The following LYN variants were observed in gnomAD, a reference collection of about 807,000 sequenced individuals.
LYN encodes the protein tyrosine-protein kinase Lyn.
In LYN, 12 loss-of-function variants were observed where a neutral mutation model predicts 65.0. The ratio of observed to expected loss-of-function variants is 0.18; its 90% confidence interval spans 0.12 to 0.30. The LOEUF is 0.30. Ranked by LOEUF, LYN falls within the 10% of genes least tolerant of loss-of-function variation. The pLI is 1.00. For synonymous variants in LYN, 222 were observed against 221.2 expected (o/e 1.00, Z -0.03); for missense variants, 380 against 623.2 (o/e 0.61, Z 4.16).
chr8:55,902,569 C>A (rs1207177436), intron 1 of LYN, among the ~76,000 whole-genome samples: 3 of 149,734 alleles, frequency 2.0e-5, no homozygotes, highest in African/African-American at 5.0e-5. Context: ...CAGTCATGTA[C>A]CACATTACAA....
rs1355024400 is a variant in LYN, at chr8:56,011,228, G to T, written c.*1118G>T. On this transcript the variant is annotated 3_prime_UTR_variant, in exon 13 of 13. Coordinates refer to ENST00000519728, the MANE Select transcript of LYN (RefSeq NM_002350.4). ...TACAAGGCTCTAATAAGCCACGGTGGCAGGAGGTTCAAGCGGTTCTGTTCA... is the reference window on the plus strand; with the variant it reads ...TACAAGGCTCTAATAAGCCACGGTGTCAGGAGGTTCAAGCGGTTCTGTTCA... 2.6e-5 allele frequency: 6 copies of T among 227,328 alleles called. No individual in the cohort carries two copies. In the Admixed American group the frequency reaches 2.8e-4, roughly 11 times the overall value. 14.1% of individuals were successfully genotyped at this position (227,328 alleles called of 1,614,324 possible). A position where few individuals can be genotyped will look rare whatever the true frequency, so the allele number is the denominator to read the frequency against.
chr8:55,987,755 A>C (rs118113461), intron 10 of LYN, among the ~76,000 whole-genome samples: 410 of 152,284 alleles, frequency 2.7e-3, no homozygotes, highest in Non-Finnish European at 4.7e-3. Context: ...AATGTGGATG[A>C]ATGCTTAAGA....
chr8:55,988,291 GGTGT>G lies in LYN; in HGVS notation c.1051-10020_1051-10017del, dbSNP rs57413136. Among the ~76,000 whole-genome samples the G allele has an allele frequency of 3.2e-3, 459 of 142,152 alleles. 2 individuals carry two copies. The highest frequency in any genetic ancestry group is 0.015 in the Middle Eastern group (4 of 274). 93.3% of individuals were successfully genotyped at this position (142,152 alleles called of 152,430 possible). A position where few individuals can be genotyped will look rare whatever the true frequency, so the allele number is the denominator to read the frequency against. ...TTCTTAAACTTTTTGCAAACTCCCT[GGTGT>G]GTGTGTGTGTGTGTGTGTGTGTGTG... On this transcript the variant is annotated intron_variant, in intron 10 of 12. Coordinates refer to ENST00000519728, the MANE Select transcript of LYN (RefSeq NM_002350.4).
chr8:55,897,586 A>T (rs913042735), intron 1 of LYN, among the ~76,000 whole-genome samples: 1 of 152,200 alleles, frequency 6.6e-6, no homozygotes, highest in Non-Finnish European at 1.5e-5. Flanking sequence ...CAAAATCTTT[A>T]GTAATGGGAT....
chr8:55,911,464 T>C (rs902877432), intron 1 of LYN, among the ~76,000 whole-genome samples: 1 of 150,460 alleles, frequency 6.6e-6, no homozygotes, highest in Admixed American at 6.7e-5. Flanking sequence ...TAAAATACAA[T>C]GAAATACTCA....
intron 12 of LYN, among the ~76,000 whole-genome samples, chr8:56,006,776 T>C (rs925448): frequency 1 from 152,190 of 152,384 alleles, 76,000 homozygotes; most frequent in Middle Eastern, 1. Context: ...GATCACCAGC[T>C]AATGGGTGTT....
chr8:55,928,047 C>T (rs1806159032), intron 1 of LYN, among the ~76,000 whole-genome samples: 1 of 152,156 alleles, frequency 6.6e-6, no homozygotes, highest in Non-Finnish European at 1.5e-5. Flanking sequence ...ATTGGAGTAT[C>T]TGTTGCTCTG....
At chr8:55,890,170 A>G (rs1364420992) in intron 1 of LYN, among the ~76,000 whole-genome samples, 2 of 151,168 alleles carry the variant, frequency 1.3e-5, no homozygotes, top group East Asian at 1.9e-4. Flanking sequence ...AATTACTCAG[A>G]GTGCAGTGAT....
chr8:55,947,122 G>A (rs1253548352), intron 3 of LYN, among the ~76,000 whole-genome samples: 4 of 152,142 alleles, frequency 2.6e-5, no homozygotes, highest in Non-Finnish European at 4.4e-5. Flanking sequence ...GGTGGTGGGC[G>A]CCTGTAATCC....
At chr8:55,949,342 C>T (rs998383913) in intron 4 of LYN, among the ~76,000 whole-genome samples, 3 of 152,192 alleles carry the variant, frequency 2.0e-5, no homozygotes, top group Admixed American at 6.5e-5. Flanking sequence ...CTTCTTTGTG[C>T]ACCCCTGATC....
rs1808883929 is a variant in LYN at position 56,013,949 on chromosome 8, TA to T, written c.*3842del. 6.6e-6 allele frequency: 1 copy of T among 152,226 alleles called. No individual in the cohort carries two copies. The highest frequency in any genetic ancestry group is 2.4e-5 in the African/African-American group (1 of 41,450). 9.4% of individuals were successfully genotyped at this position (152,226 alleles called of 1,614,324 possible). A position where few individuals can be genotyped will look rare whatever the true frequency, so the allele number is the denominator to read the frequency against. On this transcript the variant is annotated 3_prime_UTR_variant, in exon 13 of 13. Transcript: ENST00000519728. ...TTCTTCCTGATGGAAATGGTAATTATAAACATACAAAGATACCCATACACAC... is the reference window on the plus strand; with the variant it reads ...TTCTTCCTGATGGAAATGGTAATTATAACATACAAAGATACCCATACACAC...
At chr8:55,932,757 C>T (rs888250107) in intron 1 of LYN, among the ~76,000 whole-genome samples, 1 of 152,124 alleles carries the variant, frequency 6.6e-6, no homozygotes, top group African/African-American at 2.4e-5. Flanking sequence ...ATTATACTCG[C>T]ATTTATATAC....
intron 10 of LYN, among the ~76,000 whole-genome samples, chr8:55,995,336 C>T (rs1188683834): frequency 6.6e-6 from 1 of 152,172 alleles, no homozygotes; most frequent in Non-Finnish European, 1.5e-5. Context: ...GTGCATCTCC[C>T]CAGTGCTCAG....
chr8:55,982,524 T>G (rs1041857969), intron 10 of LYN, among the ~76,000 whole-genome samples: 1 of 152,130 alleles, frequency 6.6e-6, no homozygotes, highest in Admixed American at 6.5e-5. Context: ...TTCCAGACCT[T>G]CTACCTCCCC....
At chr8:55,905,545 G>A (rs567878718) in intron 1 of LYN, among the ~76,000 whole-genome samples, 6 of 152,316 alleles carry the variant, frequency 3.9e-5, no homozygotes, top group Admixed American at 3.9e-4. Context: ...GATGTGTCCA[G>A]AATTGCTAGC....
At chr8:55,945,073 C>T (rs79594160) in intron 2 of LYN, among the ~76,000 whole-genome samples, 3,312 of 152,058 alleles carry the variant, frequency 0.022, 53 homozygotes, top group Non-Finnish European at 0.033. Context: ...ACAAAATGCA[C>T]GCTATGGATT....
rs1038393466 is a variant in LYN, at chr8:55,940,364, A to T, written c.-5-1491A>T. The T allele has an allele frequency of 2.6e-5, 4 of 151,952 alleles. No homozygotes were observed. In the South Asian group the frequency reaches 6.2e-4, roughly 24 times the overall value. The allele number at this position is 151,952 out of a possible 1,614,324, so 9.4% of individuals were successfully genotyped here. On this transcript the variant is annotated intron_variant, in intron 1 of 12. Transcript: ENST00000519728. ...CTTCTAATGAAGTTTGTGAGATTTT[A>T]TTTTTTTATTATTTATTATTATTAT...
At chr8:56,003,928 CT>C (rs1213079280) in intron 12 of LYN, among the ~76,000 whole-genome samples, 6,023 of 104,680 alleles carry the variant, frequency 0.058, 279 homozygotes, top group African/African-American at 0.15. Flanking sequence ...ATATTTTATT[CT>C]TTTTTTTTTT....
At chr8:55,971,025 C>T (rs1465980980) in intron 10 of LYN, among the ~76,000 whole-genome samples, 1 of 152,190 alleles carries the variant, frequency 6.6e-6, no homozygotes, top group Admixed American at 6.5e-5. Flanking sequence ...CAATGCCCAT[C>T]CTTCCAGTAA....
Sources: gnomAD v4.1 joint callset for allele counts (sites outside exome capture counted in the v4.1 genomes callset) on GRCh38, gnomAD v4.1.1 for gene constraint, MANE v1.5 for transcripts, NCBI Gene and HGNC (gene_info 2026-07-23, HGNC 2026-07-21) for gene names.